Variants in NRG1 observed in about 807,000 individuals in gnomAD.
NRG1 encodes pro-neuregulin-1, membrane-bound isoform.
In NRG1, 18 loss-of-function variants were observed where a neutral mutation model predicts 63.8. The observed-to-expected ratio is 0.28, with a 90% confidence interval of 0.19 to 0.42. The LOEUF is 0.42. Ranked by LOEUF, NRG1 falls within the 10% of genes least tolerant of loss-of-function variation. The probability of loss-of-function intolerance (pLI) is 1.00; values close to 1 mark genes in which losing one functional copy is unlikely to be tolerated. For missense variants in NRG1, 762 were observed against 814.7 expected, an observed-to-expected ratio of 0.94 and a Z score of 0.79; for synonymous variants, 302 against 301.3, an observed-to-expected ratio of 1.00 and a Z score of -0.02.
At chr8:32,653,768 G>T (rs1855670232) in intron 5 of NRG1, among the ~76,000 whole-genome samples, 1 of 152,114 alleles carries the variant, frequency 6.6e-6, no homozygotes, top group African/African-American at 2.4e-5. Context: ...ATTCCCAAGG[G>T]TTTTTCATTT....
chr8:31,975,227 G>T (rs1424388566), intron 1 of NRG1, among the ~76,000 whole-genome samples: 2 of 152,164 alleles, frequency 1.3e-5, no homozygotes, highest in Non-Finnish European at 2.9e-5. Flanking sequence ...GTTCGGAGAG[G>T]TGGGGTAAGT....
At chr8:32,351,225 T>C (rs1053113390) in intron 1 of NRG1, among the ~76,000 whole-genome samples, 1 of 152,108 alleles carries the variant, frequency 6.6e-6, no homozygotes, top group Admixed American at 6.6e-5. Flanking sequence ...TTTCCTTACT[T>C]TGTAATGCTA....
chr8:32,691,581 A>C (rs1166132238), intron 5 of NRG1, among the ~76,000 whole-genome samples: 1 of 152,204 alleles, frequency 6.6e-6, no homozygotes, highest in Non-Finnish European at 1.5e-5. Flanking sequence ...TTTTCTATAT[A>C]CTAGTGAATG....
chr8:31,800,632 ATAAAGT>A (rs1821674850), intron 1 of NRG1, among the ~76,000 whole-genome samples: 1 of 152,218 alleles, frequency 6.6e-6, no homozygotes, highest in Admixed American at 6.5e-5. Context: ...AAGAGTAATC[ATAAAGT>A]TAAATGCCTC....
intron 9 of NRG1, among the ~76,000 whole-genome samples, 188 bp from the exon 10 acceptor site, chr8:32,759,118 G>A (rs543469584): frequency 5.3e-5 from 8 of 152,066 alleles, no homozygotes; most frequent in Non-Finnish European, 1.2e-4. Flanking sequence ...TAATCTAAAA[G>A]CCACAGTAGC....
chr8:32,389,258 C>T (rs1811412874), intron 1 of NRG1, among the ~76,000 whole-genome samples: 1 of 152,104 alleles, frequency 6.6e-6, no homozygotes, highest in Admixed American at 6.6e-5. Flanking sequence ...TAATGCTTGG[C>T]ATGTTTTGCT....
chr8:31,847,133 T>C (rs1826764224), intron 1 of NRG1, among the ~76,000 whole-genome samples: 2 of 152,236 alleles, frequency 1.3e-5, no homozygotes, highest in Non-Finnish European at 2.9e-5. Flanking sequence ...TGAATCTCAA[T>C]ATGGAATAAC....
intron 1 of NRG1, among the ~76,000 whole-genome samples, chr8:31,696,869 A>G (rs1475286683): frequency 6.6e-6 from 1 of 152,080 alleles, no homozygotes; most frequent in African/African-American, 2.4e-5. Context: ...GTGTGTGTGT[A>G]TGCATGGGAG....
intron 1 of NRG1, among the ~76,000 whole-genome samples, chr8:32,564,928 G>C (rs1337778674): frequency 6.6e-6 from 1 of 152,044 alleles, no homozygotes; most frequent in Non-Finnish European, 1.5e-5. Context: ...AAGTTAGCCA[G>C]TTATAATGGT....
intron 1 of NRG1, among the ~76,000 whole-genome samples, chr8:31,694,845 C>T (rs1346344333): frequency 1.3e-5 from 2 of 152,142 alleles, no homozygotes; most frequent in African/African-American, 2.4e-5. Context: ...CCTCATATTT[C>T]TAACACCACT....
At chr8:32,663,627 A>G (rs893654968) in intron 5 of NRG1, among the ~76,000 whole-genome samples, 1 of 152,150 alleles carries the variant, frequency 6.6e-6, no homozygotes, top group African/African-American at 2.4e-5. Context: ...TGTTCCACAT[A>G]TTATATCTTC....
At chr8:31,711,558 A>T (rs143494118) in intron 1 of NRG1, among the ~76,000 whole-genome samples, 100 of 152,286 alleles carry the variant, frequency 6.6e-4, no homozygotes, top group Middle Eastern at 6.8e-3. Context: ...CCTCCAGTGT[A>T]CCTTTCAATA....
At chr8:32,678,006 T>C (rs2128909735) in intron 5 of NRG1, among the ~76,000 whole-genome samples, 1 of 152,318 alleles carries the variant, frequency 6.6e-6, no homozygotes, top group South Asian at 2.1e-4. Flanking sequence ...AGATTCTATT[T>C]ACAAAAATCC....
intron 1 of NRG1, among the ~76,000 whole-genome samples, chr8:32,367,664 C>A (rs2129482480): frequency 6.6e-6 from 1 of 152,116 alleles, no homozygotes; most frequent in East Asian, 1.9e-4. Flanking sequence ...CTTTGATGTG[C>A]TGTTAGTTTT....
At chr8:31,921,030 A>G (rs141805346) in intron 1 of NRG1, among the ~76,000 whole-genome samples, 2 of 152,300 alleles carry the variant, frequency 1.3e-5, no homozygotes, top group Admixed American at 6.5e-5. Flanking sequence ...TGCTGGTCCT[A>G]CTAAATTTAC....
At chr8:32,070,274 T>C (rs1189460315) in intron 1 of NRG1, among the ~76,000 whole-genome samples, 6 of 152,198 alleles carry the variant, frequency 3.9e-5, no homozygotes, top group African/African-American at 1.4e-4. Flanking sequence ...ATTCTACTAA[T>C]TTCCAGACTG....
At chr8:32,408,099 G>T (rs759898373) in intron 1 of NRG1, among the ~76,000 whole-genome samples, 1 of 152,174 alleles carries the variant, frequency 6.6e-6, no homozygotes, top group Non-Finnish European at 1.5e-5. Context: ...CTCATCAGAG[G>T]CTTGGGTCAT....
chr8:32,387,439 A>G (rs1216316492), intron 1 of NRG1, among the ~76,000 whole-genome samples: 1 of 152,190 alleles, frequency 6.6e-6, no homozygotes, highest in Non-Finnish European at 1.5e-5. Flanking sequence ...GGTATACACA[A>G]TAACTCTGTG....
intron 1 of NRG1, among the ~76,000 whole-genome samples, chr8:32,114,246 A>T (rs754411732): frequency 1.3e-5 from 2 of 152,216 alleles, no homozygotes; most frequent in Non-Finnish European, 2.9e-5. Context: ...AGTCATAGCA[A>T]ATCTGTCCCT....
Sources: allele counts gnomAD v4.1 joint callset (sites outside exome capture counted in the v4.1 genomes callset), GRCh38; gene constraint gnomAD v4.1.1; transcripts MANE v1.5; gene names NCBI Gene and HGNC (gene_info 2026-07-23, HGNC 2026-07-21).